POGZ: variants seen among roughly 807,000 people sequenced by gnomAD.
POGZ encodes the protein pogo transposable element with ZNF domain.
A neutral mutation model predicts 134.6 loss-of-function variants in POGZ; 17 were observed. The observed-to-expected ratio is 0.13, with a 90% CI of 0.09 to 0.19. POGZ has a LOEUF of 0.19. POGZ is among the 10% of genes least tolerant of loss of function. The pLI is 1.00. For synonymous variants in POGZ, 693 were observed against 657.1 expected (o/e 1.05, Z -0.84); for missense variants, 1,306 against 1,769.7 (o/e 0.74, Z 4.70).
chr1:151,416,716 T>A (rs1655788159), intron 10 of POGZ, among the ~76,000 whole-genome samples: 1 of 150,786 alleles, frequency 6.6e-6, no homozygotes, highest in Non-Finnish European at 1.5e-5. Context: ...CTCGACTTGC[T>A]GGGCTCAAAC....
chr1:151,406,646 A>G lies in POGZ; in HGVS notation c.2546-15T>C, dbSNP rs1557869212. The G allele has an allele frequency of 2.5e-6, 4 of 1,604,206 alleles. No homozygotes were observed. The highest frequency in any genetic ancestry group is 2.6e-6 in the Non-Finnish European group (3 of 1,176,080). On this transcript the variant is annotated splice_polypyrimidine_tract_variant and intron_variant, in intron 17 of 18. Coordinates refer to ENST00000271715, the MANE Select transcript of POGZ (RefSeq NM_015100.4). ...CCAAGTGAGTCCTATGGAAAATGAA[A>G]CAACAAAAATAGTTAGCTCAGTGAA...
At chr1:151,427,791 C>T (rs905246696) in intron 7 of POGZ, 32 bp downstream of exon 7, 1 of 1,381,324 alleles carries the variant, frequency 7.2e-7, no homozygotes, top group Non-Finnish European at 1.0e-6. Context: ...TTTTGAATGA[C>T]TGGCTGCTCA....
chr1:151,434,773 G>A (rs1333840562), intron 3 of POGZ, among the ~76,000 whole-genome samples: 4 of 150,822 alleles, frequency 2.7e-5, no homozygotes, highest in East Asian at 2.0e-4. Context: ...TAGTAGAGAC[G>A]GGGTTTTACC....
In POGZ at chr1:151,404,073, G is replaced by C. The variant is rs1445366622; in HGVS notation, c.*729C>G. 1.2e-5 allele frequency: 12 copies of C among 985,364 alleles called. No individual in the cohort carries two copies. The highest frequency in any genetic ancestry group is 1.3e-5 in the Non-Finnish European group (11 of 829,922). The allele number at this position is 985,364 out of a possible 1,614,324, so 61.0% of individuals were successfully genotyped here. On this transcript the variant is annotated 3_prime_UTR_variant, in exon 19 of 19. Transcript: ENST00000271715. ...TTTGGAGGGAAGGTGGTGAGGAAAA[G>C]ACAAATCTATTCATTCTGGATAATT...
chr1:151,416,589 A>G lies in POGZ; in HGVS notation c.1679-4193T>C, dbSNP rs184102171. Among the ~76,000 whole-genome samples the G allele has an allele frequency of 8.5e-5, 13 of 152,090 alleles. No homozygotes were observed. In the East Asian group the frequency reaches 2.3e-3, roughly 27 times the overall value. ...CCTTCAAGTCACTGCACTGCTCTTA[A>G]ACAAGTGTGAATAAAAATGTAATAC... is the stretch of plus-strand genomic sequence containing the variant. On this transcript the variant is annotated intron_variant, in intron 10 of 18. Coordinates refer to ENST00000271715, the MANE Select transcript of POGZ (RefSeq NM_015100.4).
chr1:151,449,264 ATAAT>A (rs895421033), intron 1 of POGZ, among the ~76,000 whole-genome samples: 1 of 152,188 alleles, frequency 6.6e-6, no homozygotes, highest in Non-Finnish European at 1.5e-5. Context: ...GCATAAATAA[ATAAT>A]TAAGGAATCT....
rs1441903362 is a variant in POGZ, at chr1:151,408,816, A to C, written c.1939T>G (p.Tyr647Asp). ...HYMRHQKRNV[Y>D]HCNKCRLQFL... ...TGCAGCCGGCATTTGTTGCAGTGATAAACATTTCTCTTCTGAAGTGGGGGA... is the reference window on the plus strand; with the variant it reads ...TGCAGCCGGCATTTGTTGCAGTGATCAACATTTCTCTTCTGAAGTGGGGGA... The change falls in exon 13 of 19, where the codon TAT becomes GAT. Residue 647 changes from tyrosine to aspartate, a missense_variant. Tyr to Asp is a radical substitution (Grantham distance 160, BLOSUM62 -3). This residue lies in a region of POGZ where 149 missense variants were observed against 237.5 expected (regional missense o/e 0.63). Coordinates refer to ENST00000271715, the MANE Select transcript of POGZ (RefSeq NM_015100.4). The C allele has an allele frequency of 6.2e-7, 1 of 1,608,756 alleles. No individual in the cohort carries two copies. Among genetic ancestry groups the C allele is most frequent in the South Asian group, 1.1e-5 (1 of 90,678 alleles).
intron 7 of POGZ, 140 bp from the exon 8 acceptor site, chr1:151,425,201 T>C: frequency 3.6e-6 from 2 of 557,524 alleles, no homozygotes; most frequent in South Asian, 3.9e-5. Context: ...TGGTTTTTGT[T>C]TGTTTTTGTT....
chr1:151,445,093 T>C (rs1160984692), intron 1 of POGZ, among the ~76,000 whole-genome samples: 1 of 151,908 alleles, frequency 6.6e-6, no homozygotes, highest in Non-Finnish European at 1.5e-5. Context: ...CCAAAAAGGG[T>C]AGATCTGAAA....
At chr1:151,448,905 T>C (rs949411963) in intron 1 of POGZ, among the ~76,000 whole-genome samples, 1 of 152,094 alleles carries the variant, frequency 6.6e-6, no homozygotes. Context: ...CAAACAAAAC[T>C]ATCTTTCCTT....
In POGZ at chr1:151,444,462, TTA is replaced by T. The variant is rs376991287; in HGVS notation, c.-1-2259_-1-2258del. Among the ~76,000 whole-genome samples the T allele has an allele frequency of 2.5e-3, 378 of 152,314 alleles. 1 individual carries two copies. Among genetic ancestry groups the T allele is most frequent in the Non-Finnish European group, 4.1e-3 (280 of 68,020 alleles). ...CTTTGCTGTATAACTTTCTGAGAGC[TTA>T]GTCAACAGATAATTAATGCGCAAAT... On this transcript the variant is annotated intron_variant, in intron 1 of 18. Coordinates refer to ENST00000271715, the MANE Select transcript of POGZ (RefSeq NM_015100.4).
chr1:151,450,937 C>CG (rs1661975043), intron 1 of POGZ: 1 of 152,080 alleles, frequency 6.6e-6, no homozygotes, highest in Non-Finnish European at 1.5e-5. Flanking sequence ...CAGTGGCTCA[C>CG]GCCTGTAATC....
intron 3 of POGZ, among the ~76,000 whole-genome samples, chr1:151,439,943 T>C (rs564922592): frequency 1.3e-5 from 2 of 152,152 alleles, no homozygotes; most frequent in Admixed American, 6.5e-5. Context: ...GTTAATCAAA[T>C]AATGGGAAAT....
intron 8 of POGZ, among the ~76,000 whole-genome samples, chr1:151,424,719 T>C (rs768219895): frequency 1.3e-5 from 2 of 152,190 alleles, no homozygotes; most frequent in Non-Finnish European, 2.9e-5. Context: ...TCCTGTGTGG[T>C]TTCAAAATCT....
chr1:151,406,760 A>G, intron 17 of POGZ, 129 bp from the exon 18 acceptor site: 1 of 1,037,578 alleles, frequency 9.6e-7, no homozygotes, highest in Non-Finnish European at 1.5e-6. Context: ...CCAGTTTTAT[A>G]TAAACTTCAG....
chr1:151,404,304 G>C lies in POGZ; in HGVS notation c.*498C>G, dbSNP rs1653191548. ...ATATATATAATAAACCAGTTTGTGA[G>C]CTACATAATTTGTCTTTCCCATCTT... On this transcript the variant is annotated 3_prime_UTR_variant, in exon 19 of 19. Coordinates refer to ENST00000271715, the MANE Select transcript of POGZ (RefSeq NM_015100.4). 1 of 984,376 alleles carries C rather than the reference G, an allele frequency of 1.0e-6. No individual in the cohort carries two copies. Among genetic ancestry groups the C allele is most frequent in the Admixed American group, 6.1e-5 (1 of 16,262 alleles). The allele number at this position is 984,376 out of a possible 1,614,324, so 61.0% of individuals were successfully genotyped here. A position where few individuals can be genotyped will look rare whatever the true frequency, so the allele number is the denominator to read the frequency against.
intron 1 of POGZ, among the ~76,000 whole-genome samples, chr1:151,457,718 G>T (rs1662941847): frequency 6.6e-6 from 1 of 152,158 alleles, no homozygotes; most frequent in Admixed American, 6.5e-5. Flanking sequence ...CCTGAGGTCA[G>T]GCGTTCAAGA....
At chr1:151,425,170 A>G (rs1005328906) in intron 7 of POGZ, 109 bp from the exon 8 acceptor site, 1 of 638,690 alleles carries the variant, frequency 1.6e-6, no homozygotes, top group African/African-American at 1.8e-5. Context: ...TAAAAGGGTA[A>G]GCAAGCATGA....
Position 151,440,825 on chromosome 1 carries a change from A to G in POGZ, c.283+103T>C, listed in dbSNP as rs988259590. The G allele has an allele frequency of 1.1e-5, 10 of 877,390 alleles. No homozygotes were observed. The African/African-American group carries it at 1.5e-4, about 13-fold the overall frequency. 54.4% of individuals were successfully genotyped at this position (877,390 alleles called of 1,614,324 possible). A position where few individuals can be genotyped will look rare whatever the true frequency, so the allele number is the denominator to read the frequency against. On this transcript the variant is annotated intron_variant, in intron 3 of 18. Coordinates refer to ENST00000271715, the MANE Select transcript of POGZ (RefSeq NM_015100.4). ...CTAAATTCATTTTCCAACTAGTAGA[A>G]CCACATCTGTACCTAACTAAACAGG...
Sources: allele counts gnomAD v4.1 joint callset (sites outside exome capture counted in the v4.1 genomes callset), GRCh38; gene constraint gnomAD v4.1.1; regional missense constraint gnomAD v4.1.1; transcripts MANE v1.5; gene names NCBI Gene and HGNC (gene_info 2026-07-23, HGNC 2026-07-21).